ZDHHC2: variants seen among roughly 807,000 people sequenced by gnomAD.
The protein encoded by ZDHHC2 is palmitoyltransferase ZDHHC2.
Under a neutral mutation model 55.6 loss-of-function variants are expected in ZDHHC2, and 51 were observed. That is an observed-to-expected ratio of 0.92 (90% CI 0.73 to 1.16). The LOEUF is 1.16. Ranked by LOEUF, ZDHHC2 falls within the 50% of genes most tolerant of loss-of-function variation. The probability of loss-of-function intolerance (pLI) is 0.00; values close to 1 mark genes in which losing one functional copy is unlikely to be tolerated. For missense variants in ZDHHC2, 491 were observed against 442.4 expected, an observed-to-expected ratio of 1.11 and a Z score of -0.99; for synonymous variants, 199 against 152.9, an observed-to-expected ratio of 1.30 and a Z score of -2.22.
chr8:17,210,291 G>GTA, intron 9 of ZDHHC2, 97 bp from the exon 10 acceptor site: 2 of 1,280,922 alleles, frequency 1.6e-6, no homozygotes, highest in Non-Finnish European at 2.2e-6. Flanking sequence ...TTTGCCTAGA[G>GTA]TATAGCATGT....
At chr8:17,173,475 A>G (rs1804968154) in intron 1 of ZDHHC2, among the ~76,000 whole-genome samples, 1 of 152,086 alleles carries the variant, frequency 6.6e-6, no homozygotes, top group Admixed American at 6.6e-5. Flanking sequence ...CAGGAGTTCA[A>G]GAACAGCCTG....
At chr8:17,167,846 C>A (rs1001858584) in intron 1 of ZDHHC2, among the ~76,000 whole-genome samples, 2 of 148,998 alleles carry the variant, frequency 1.3e-5, no homozygotes, top group Non-Finnish European at 3.0e-5. Context: ...AAAATAATCA[C>A]AAAAAAATGA....
intron 1 of ZDHHC2, among the ~76,000 whole-genome samples, chr8:17,177,752 T>TTGTGTG (rs10570051): frequency 9.4e-5 from 14 of 148,822 alleles, no homozygotes; most frequent in South Asian, 8.6e-4. Flanking sequence ...TTTGGGGTGT[T>TTGTGTG]TGTGTGTGTG....
chr8:17,184,273 C>A (rs954645827), intron 1 of ZDHHC2, among the ~76,000 whole-genome samples: 8 of 152,120 alleles, frequency 5.3e-5, no homozygotes, highest in Middle Eastern at 3.2e-3. Context: ...CCTGGCCTTT[C>A]GTTGTGCAAC....
chr8:17,170,012 G>T (rs1405135195), intron 1 of ZDHHC2, among the ~76,000 whole-genome samples: 1 of 152,210 alleles, frequency 6.6e-6, no homozygotes, highest in South Asian at 2.1e-4. Flanking sequence ...GACAATGTCA[G>T]ATTTATTTTG....
At chr8:17,196,300 T>G (rs1004540030) in intron 4 of ZDHHC2, among the ~76,000 whole-genome samples, 1 of 152,138 alleles carries the variant, frequency 6.6e-6, no homozygotes, top group Non-Finnish European at 1.5e-5. Flanking sequence ...ATGTGGCTGT[T>G]GAGCGCTTGA....
chr8:17,173,588 C>G (rs781446576), intron 1 of ZDHHC2, among the ~76,000 whole-genome samples: 4 of 149,738 alleles, frequency 2.7e-5, no homozygotes, highest in African/African-American at 9.8e-5. Context: ...GAGGCTGAGG[C>G]GGAAAGATTG....
At chr8:17,170,482 A>G (rs1459337559) in intron 1 of ZDHHC2, among the ~76,000 whole-genome samples, 2 of 152,220 alleles carry the variant, frequency 1.3e-5, no homozygotes, top group African/African-American at 4.8e-5. Flanking sequence ...TAAGTGTCAA[A>G]TAATTTTATG....
intron 1 of ZDHHC2, among the ~76,000 whole-genome samples, chr8:17,163,175 C>G (rs182107871): frequency 1.3e-5 from 2 of 152,184 alleles, no homozygotes; most frequent in African/African-American, 4.8e-5. Flanking sequence ...GCGAGTGAAG[C>G]GGAGCTGACG....
chr8:17,160,005 CG>C (rs1206503081), intron 1 of ZDHHC2, among the ~76,000 whole-genome samples: 1 of 152,084 alleles, frequency 6.6e-6, no homozygotes, highest in Non-Finnish European at 1.5e-5. Context: ...AACATTTGTA[CG>C]GGGAACTTTA....
intron 4 of ZDHHC2, among the ~76,000 whole-genome samples, chr8:17,197,254 T>C (rs1806364963): frequency 6.6e-6 from 1 of 152,094 alleles, no homozygotes; most frequent in Non-Finnish European, 1.5e-5. Context: ...AATAAATTGG[T>C]TTAATTGAGG....
intron 1 of ZDHHC2, among the ~76,000 whole-genome samples, chr8:17,167,430 C>T (rs146950761): frequency 1.3e-5 from 2 of 151,028 alleles, no homozygotes; most frequent in Non-Finnish European, 2.9e-5. Context: ...CTCAGCCTCT[C>T]GAGTAGCTGG....
rs1807299757 is a variant in ZDHHC2, at chr8:17,210,024, GAGA to G, written c.829_831del (p.Lys277del). 3.1e-6 allele frequency: 5 copies of G among 1,607,772 alleles called. No homozygotes were observed. Among genetic ancestry groups the G allele is most frequent in the African/African-American group, 2.7e-5 (2 of 74,856 alleles). The stretch of plus-strand genomic sequence containing the variant: ...AAACATGCGACAAGTTTTTGGTGAT[GAGA>G]AGAAGTACTGGTTGCTACCCATTTT... On this transcript the variant is annotated inframe_deletion, in exon 9 of 13. Coordinates refer to ENST00000262096, the MANE Select transcript of ZDHHC2 (RefSeq NM_016353.5).
rs915643241 is a variant in ZDHHC2 at position 17,223,043 on chromosome 8, T to G, written c.*2822T>G. On this transcript the variant is annotated 3_prime_UTR_variant, in exon 13 of 13. Coordinates refer to ENST00000262096, the MANE Select transcript of ZDHHC2 (RefSeq NM_016353.5). The stretch of plus-strand genomic sequence containing the variant: ...GGAAATCAAAGATATAAATCATGTT[T>G]ATAAAAAATTAGGCACGCAATCATG... 2 of 151,878 alleles carry G rather than the reference T, an allele frequency of 1.3e-5. No homozygotes were observed. The highest frequency in any genetic ancestry group is 1.3e-4 in the Admixed American group (2 of 15,230). 9.4% of individuals were successfully genotyped at this position (151,878 alleles called of 1,614,324 possible).
At chr8:17,159,562 T>C (rs1804228068) in intron 1 of ZDHHC2, among the ~76,000 whole-genome samples, 1 of 152,220 alleles carries the variant, frequency 6.6e-6, no homozygotes, top group Admixed American at 6.5e-5. Flanking sequence ...TTAGTTTCTA[T>C]ATTTAACAAC....
At chr8:17,181,769 A>G (rs1365916734) in intron 1 of ZDHHC2, among the ~76,000 whole-genome samples, 2 of 152,188 alleles carry the variant, frequency 1.3e-5, no homozygotes, top group Non-Finnish European at 2.9e-5. Context: ...ATAAATAATC[A>G]AATTATATTT....
In ZDHHC2 at chr8:17,209,960, T is replaced by C. The variant is rs746750139; in HGVS notation, c.759T>C (p.His253=). The stretch of plus-strand genomic sequence containing the variant: ...CATTCAGAAGTCCAGTATTTCGACA[T>C]GGAACAGATAAGAATGGATTCAGCT... ...LEAFRSPVFR[H]GTDKNGFSLG... The change falls in exon 9 of 13, where the codon CAT becomes CAC. Residue 253 remains histidine, a synonymous_variant. Transcript: ENST00000262096. 3 of 1,611,242 alleles carry C rather than the reference T, an allele frequency of 1.9e-6. No homozygotes were observed. The highest frequency in any genetic ancestry group is 3.4e-5 in the Admixed American group (2 of 59,616).
intron 1 of ZDHHC2, among the ~76,000 whole-genome samples, chr8:17,163,332 G>A (rs979678482): frequency 6.6e-6 from 1 of 152,202 alleles, no homozygotes; most frequent in Admixed American, 6.5e-5. Flanking sequence ...GGCTGAGGTG[G>A]TTGCGCCCAC....
chr8:17,175,105 A>C (rs1400416398), intron 1 of ZDHHC2, among the ~76,000 whole-genome samples: 1 of 152,070 alleles, frequency 6.6e-6, no homozygotes, highest in Non-Finnish European at 1.5e-5. Flanking sequence ...TTTCTAGCAT[A>C]GTTTAGCTCA....
Sources: allele counts gnomAD v4.1 joint callset (sites outside exome capture counted in the v4.1 genomes callset), GRCh38; gene constraint gnomAD v4.1.1; transcripts MANE v1.5; gene names NCBI Gene and HGNC (gene_info 2026-07-23, HGNC 2026-07-21).